B3GALT1: variants seen among roughly 807,000 people sequenced by gnomAD.
B3GALT1 encodes beta-1,3-galactosyltransferase 1.
A neutral mutation model predicts 23.2 loss-of-function variants in B3GALT1; 10 were observed. The observed-to-expected ratio is 0.43, with a 90% CI of 0.27 to 0.73. B3GALT1 has a LOEUF of 0.73. Among genes scored for constraint, B3GALT1 ranks in the 30% least tolerant of loss-of-function variants. B3GALT1 has a pLI of 0.21. For synonymous variants in B3GALT1, 156 were observed against 141.5 expected, an observed-to-expected ratio of 1.10 and a Z score of -0.73; for missense variants, 299 against 405.4, an observed-to-expected ratio of 0.74 and a Z score of 2.25.
chr2:167,490,728 G>A (rs1699696755), intron 2 of B3GALT1, among the ~76,000 whole-genome samples: 1 of 152,222 alleles, frequency 6.6e-6, no homozygotes, highest in African/African-American at 2.4e-5. Context: ...TTGGGGAGCT[G>A]TGCTGCTGAG....
chr2:167,307,719 C>T (rs1028381509), intron 1 of B3GALT1, among the ~76,000 whole-genome samples: 1 of 152,064 alleles, frequency 6.6e-6, no homozygotes, highest in East Asian at 1.9e-4. Flanking sequence ...TCTTTTTCCT[C>T]TGCTGTACTG....
At position 167,565,738 on chromosome 2, in the gene B3GALT1, G is replaced by A. The variant is rs1197239736; in HGVS notation, c.-410+75461G>A. 1.3e-5 allele frequency among the ~76,000 whole-genome samples: 2 copies of A among 152,222 alleles called. 1 individual carries two copies. Among genetic ancestry groups the A allele is most frequent in the African/African-American group, 4.8e-5 (2 of 41,540 alleles). On this transcript the variant is annotated intron_variant, in intron 2 of 4. Transcript: ENST00000392690. ...AAGAAGACATTTATGCAGCCAAAAG[G>A]CACATGAAAAAATGCTCACCATCAC...
intron 2 of B3GALT1, among the ~76,000 whole-genome samples, chr2:167,526,315 T>A (rs571606377): frequency 3.9e-5 from 6 of 152,298 alleles, no homozygotes; most frequent in African/African-American, 1.4e-4. Context: ...CTAGTCTTCC[T>A]TTTTTATTTC....
At chr2:167,326,948 C>T (rs1009848445) in intron 1 of B3GALT1, among the ~76,000 whole-genome samples, 3 of 152,072 alleles carry the variant, frequency 2.0e-5, no homozygotes, top group Non-Finnish European at 4.4e-5. Context: ...CCTCAGCCTC[C>T]CAAAGTGCTG....
chr2:167,690,414 A>T (rs1686692391), intron 3 of B3GALT1, among the ~76,000 whole-genome samples: 1 of 152,072 alleles, frequency 6.6e-6, no homozygotes, highest in African/African-American at 2.4e-5. Flanking sequence ...AATAATTTTT[A>T]AAAAGAAAGT....
At chr2:167,768,549 T>C (rs1242633503) in intron 3 of B3GALT1, among the ~76,000 whole-genome samples, 1 of 152,190 alleles carries the variant, frequency 6.6e-6, no homozygotes, top group African/African-American at 2.4e-5. Context: ...AATTATAAAT[T>C]CCACTGATAA....
intron 2 of B3GALT1, among the ~76,000 whole-genome samples, chr2:167,640,546 A>AT (rs202240806): frequency 1.5e-4 from 11 of 73,996 alleles, no homozygotes; most frequent in Middle Eastern, 7.2e-3. Context: ...TGTAAGTTTG[A>AT]TTTTTTTTTC....
chr2:167,526,043 A>G (rs187313062), intron 2 of B3GALT1, among the ~76,000 whole-genome samples: 54 of 152,064 alleles, frequency 3.6e-4, no homozygotes, highest in African/African-American at 1.2e-3. Context: ...CCTTGCCTAC[A>G]CCTGCAATCA....
intron 4 of B3GALT1, among the ~76,000 whole-genome samples, chr2:167,840,820 T>C (rs1201421594): frequency 3.5e-5 from 5 of 144,618 alleles, no homozygotes; most frequent in Admixed American, 2.1e-4. Flanking sequence ...ATGTGGCACA[T>C]ATACACCATG....
intron 3 of B3GALT1, among the ~76,000 whole-genome samples, chr2:167,687,079 T>C (rs867007110): frequency 2.6e-5 from 4 of 152,338 alleles, no homozygotes; most frequent in Middle Eastern, 3.4e-3. Context: ...GGAGAAGCTC[T>C]CTAATTTATT....
intron 3 of B3GALT1, among the ~76,000 whole-genome samples, chr2:167,699,698 A>G (rs1478364200): frequency 2.0e-5 from 3 of 152,044 alleles, no homozygotes. Flanking sequence ...AAGAATATGA[A>G]CCAATATATT....
chr2:167,314,012 A>G (rs1453862636), intron 1 of B3GALT1, among the ~76,000 whole-genome samples: 1 of 152,138 alleles, frequency 6.6e-6, no homozygotes, highest in Non-Finnish European at 1.5e-5. Context: ...ATATCGTGTT[A>G]TGAGCATCAC....
At chr2:167,597,422 A>G (rs1005112749) in intron 2 of B3GALT1, among the ~76,000 whole-genome samples, 1 of 152,092 alleles carries the variant, frequency 6.6e-6, no homozygotes, top group African/African-American at 2.4e-5. Context: ...GCCCATTGTC[A>G]TGTTTGAATG....
At chr2:167,829,236 C>T (rs1689291266) in intron 4 of B3GALT1, among the ~76,000 whole-genome samples, 1 of 152,114 alleles carries the variant, frequency 6.6e-6, no homozygotes, top group South Asian at 2.1e-4. Flanking sequence ...GTAATCCCAG[C>T]ACTTTGGGAG....
At chr2:167,317,172 G>A (rs888079695) in intron 1 of B3GALT1, among the ~76,000 whole-genome samples, 2 of 152,144 alleles carry the variant, frequency 1.3e-5, no homozygotes, top group Non-Finnish European at 2.9e-5. Flanking sequence ...ATGTGTTTAT[G>A]TCGGAGGACA....
At chr2:167,415,763 CTG>C (rs1428497382) in intron 1 of B3GALT1, among the ~76,000 whole-genome samples, 10 of 152,170 alleles carry the variant, frequency 6.6e-5, no homozygotes, top group Non-Finnish European at 1.5e-4. Flanking sequence ...GTATTGGAAA[CTG>C]GAGAAAAGTC....
chr2:167,775,664 A>G (rs989165691), intron 3 of B3GALT1, among the ~76,000 whole-genome samples: 1 of 147,018 alleles, frequency 6.8e-6, no homozygotes, highest in African/African-American at 2.6e-5. Flanking sequence ...TATAACTCCA[A>G]TTTATTTTTG....
chr2:167,829,799 G>T (rs964785978), intron 4 of B3GALT1, among the ~76,000 whole-genome samples: 2 of 152,244 alleles, frequency 1.3e-5, no homozygotes, highest in African/African-American at 2.4e-5. Flanking sequence ...TCTGAGATGC[G>T]CGGAGAATGG....
At position 167,622,972 on chromosome 2, in the gene B3GALT1, C is replaced by T. The variant is rs113511830; in HGVS notation, c.-409-23937C>T. On this transcript the variant is annotated intron_variant, in intron 2 of 4. Transcript: ENST00000392690. ...CAAGATTATAAAATCTTTTGATTCTCCTCAAATATATTGTTACATATGGTT... is the reference window on the plus strand; with the variant it reads ...CAAGATTATAAAATCTTTTGATTCTTCTCAAATATATTGTTACATATGGTT... Among the ~76,000 whole-genome samples the T allele has an allele frequency of 3.2e-3, 485 of 152,008 alleles. 2 individuals are homozygous for T. The highest frequency in any genetic ancestry group is 0.011 in the African/African-American group (463 of 41,492).
Sources: gnomAD v4.1 joint callset for allele counts (sites outside exome capture counted in the v4.1 genomes callset) on GRCh38, gnomAD v4.1.1 for gene constraint, MANE v1.5 for transcripts, NCBI Gene and HGNC (gene_info 2026-07-23, HGNC 2026-07-21) for gene names.